The following TSPAN9 variants were observed in gnomAD, a reference collection of about 807,000 sequenced individuals.
The protein encoded by TSPAN9 is tetraspanin-9.
TSPAN9 carries 16 observed loss-of-function variants against 31.0 expected under a neutral mutation model. The ratio of observed to expected loss-of-function variants is 0.52; its 90% CI spans 0.35 to 0.78. TSPAN9 has a LOEUF of 0.78. TSPAN9 is among the 30% of genes least tolerant of loss of function. The probability of loss-of-function intolerance (pLI) is 0.01; values close to 1 mark genes in which losing one functional copy is unlikely to be tolerated. For synonymous variants in TSPAN9, 145 were observed against 121.6 expected (o/e 1.19, Z -1.27); for missense variants, 272 against 312.5 (o/e 0.87, Z 0.98).
intron 3 of TSPAN9, among the ~76,000 whole-genome samples, chr12:3,240,224 C>G (rs2098395903): frequency 6.6e-6 from 1 of 152,172 alleles, no homozygotes; most frequent in Non-Finnish European, 1.5e-5. Context: ...TTACCCACAG[C>G]TACTTTTCCA....
chr12:3,188,816 C>T (rs967628862), intron 2 of TSPAN9, among the ~76,000 whole-genome samples: 1 of 152,098 alleles, frequency 6.6e-6, no homozygotes, highest in Non-Finnish European at 1.5e-5. Context: ...GGTGATCTAT[C>T]AAGGTGAATA....
intron 2 of TSPAN9, among the ~76,000 whole-genome samples, chr12:3,139,477 C>A (rs35207554): frequency 0.11 from 17,347 of 152,256 alleles, 1,152 homozygotes; most frequent in East Asian, 0.17. Context: ...CTTCAGGCTG[C>A]GCTGCCCTCT....
chr12:3,256,208 T>C (rs1862341431), intron 3 of TSPAN9, among the ~76,000 whole-genome samples: 1 of 151,980 alleles, frequency 6.6e-6, no homozygotes, highest in African/African-American at 2.4e-5. Context: ...CGAGGCCCAG[T>C]GGTGAGCTGG....
Position 3,163,322 on chromosome 12 carries a change from C to T in TSPAN9, c.-17-37855C>T, listed in dbSNP as rs375500866. ...TTGAATATGACAATCCCATCTTTTG[C>T]TTCTCTCGCTCTTTTGTTTCTACCT... On this transcript the variant is annotated intron_variant, in intron 2 of 8. Coordinates refer to ENST00000011898, the MANE Select transcript of TSPAN9 (RefSeq NM_006675.5). Among the ~76,000 whole-genome samples, 17 of 152,344 alleles carry T rather than the reference C, an allele frequency of 1.1e-4. No individual in the cohort carries two copies. The East Asian group carries it at 3.1e-3, about 28-fold the overall frequency.
At chr12:3,141,584 C>T (rs2098334870) in intron 2 of TSPAN9, among the ~76,000 whole-genome samples, 1 of 152,120 alleles carries the variant, frequency 6.6e-6, no homozygotes, top group African/African-American at 2.4e-5. Flanking sequence ...CCTCATTTGC[C>T]CTTGGCTGTG....
intron 3 of TSPAN9, chr12:3,211,936 C>T (rs141480177): frequency 0.017 from 22,874 of 1,339,954 alleles, 296 homozygotes; most frequent in Middle Eastern, 0.039. Flanking sequence ...GTGCGTAGGT[C>T]GTCACCACCG....
chr12:3,103,898 A>G (rs2098312979), intron 2 of TSPAN9, among the ~76,000 whole-genome samples: 2 of 152,158 alleles, frequency 1.3e-5, no homozygotes, highest in Admixed American at 1.3e-4. Flanking sequence ...GGTGGAGGAG[A>G]CAGACAATGA....
intron 2 of TSPAN9, among the ~76,000 whole-genome samples, chr12:3,119,067 C>T (rs114628437): frequency 7.2e-5 from 11 of 152,278 alleles, no homozygotes; most frequent in African/African-American, 2.6e-4. Context: ...GCTGTACCCC[C>T]GACAGCGAAG....
chr12:3,204,025 CTT>C (rs1416241927), intron 3 of TSPAN9, among the ~76,000 whole-genome samples: 1 of 152,182 alleles, frequency 6.6e-6, no homozygotes, highest in African/African-American at 2.4e-5. Flanking sequence ...CTGTTGCTGT[CTT>C]GTGCAGGGGG....
intron 2 of TSPAN9, among the ~76,000 whole-genome samples, chr12:3,199,611 T>C (rs114600320): frequency 0.049 from 7,485 of 152,234 alleles, 634 homozygotes; most frequent in African/African-American, 0.17. Context: ...CCCCGCTTCG[T>C]CCACCTGTCC....
intron 2 of TSPAN9, among the ~76,000 whole-genome samples, chr12:3,090,717 G>A (rs746893438): frequency 2.6e-5 from 4 of 152,218 alleles, no homozygotes; most frequent in East Asian, 1.9e-4. Flanking sequence ...GGGAGGACGC[G>A]GACGTGCGAT....
At chr12:3,078,937 A>G (rs2098296445) in intron 1 of TSPAN9, among the ~76,000 whole-genome samples, 1 of 151,896 alleles carries the variant, frequency 6.6e-6, no homozygotes, top group South Asian at 2.1e-4. Context: ...CATTAGCTGT[A>G]TATAATTTTA....
intron 2 of TSPAN9, among the ~76,000 whole-genome samples, chr12:3,099,316 C>T (rs1411701187): frequency 6.6e-6 from 1 of 152,080 alleles, no homozygotes; most frequent in African/African-American, 2.4e-5. Context: ...TTCAATAATT[C>T]CCTCTGGTGT....
At chr12:3,113,936 G>T (rs2098320648) in intron 2 of TSPAN9, among the ~76,000 whole-genome samples, 1 of 152,212 alleles carries the variant, frequency 6.6e-6, no homozygotes, top group Non-Finnish European at 1.5e-5. Context: ...CTGGGCAGTA[G>T]GTTCTTCCCC....
intron 2 of TSPAN9, among the ~76,000 whole-genome samples, chr12:3,180,796 G>A (rs2098358243): frequency 6.6e-6 from 1 of 152,132 alleles, no homozygotes. Context: ...AAATAAATTT[G>A]ATCTTGAGAC....
At chr12:3,211,400 C>A (rs530823354) in intron 3 of TSPAN9, among the ~76,000 whole-genome samples, 2 of 152,228 alleles carry the variant, frequency 1.3e-5, no homozygotes, top group African/African-American at 4.8e-5. Context: ...TCTGGTAGGG[C>A]AAATCCTTTC....
intron 2 of TSPAN9, among the ~76,000 whole-genome samples, chr12:3,184,533 G>A (rs2098360160): frequency 6.6e-6 from 1 of 152,182 alleles, no homozygotes. Context: ...TTTAAGGTGT[G>A]GGTGCTGGTT....
intron 2 of TSPAN9, among the ~76,000 whole-genome samples, chr12:3,177,667 A>G (rs1365227401): frequency 6.6e-6 from 1 of 152,146 alleles, no homozygotes; most frequent in Non-Finnish European, 1.5e-5. Context: ...TTCTGACCTC[A>G]GGTGATTTGC....
At chr12:3,268,897 T>C (rs1236764457) in intron 3 of TSPAN9, among the ~76,000 whole-genome samples, 26 of 102,610 alleles carry the variant, frequency 2.5e-4, no homozygotes, top group African/African-American at 5.0e-4. Context: ...GCCTGCCCTC[T>C]CTGTGTTCCT....
Sources: gnomAD v4.1 joint callset for allele counts (sites outside exome capture counted in the v4.1 genomes callset) on GRCh38, gnomAD v4.1.1 for gene constraint, MANE v1.5 for transcripts, NCBI Gene and HGNC (gene_info 2026-07-23, HGNC 2026-07-21) for gene names.